Variants in DMD observed in about 807,000 individuals in gnomAD.
DMD encodes mutant dystrophin.
DMD carries 63 observed loss-of-function variants against 330.1 expected under a neutral mutation model. The ratio of observed to expected loss-of-function variants is 0.19; its 90% CI spans 0.16 to 0.24. The LOEUF is 0.24. DMD is among the 10% of genes least tolerant of loss of function. DMD has a pLI of 1.00. For missense variants in DMD, 3,344 were observed against 2,684.1 expected, an observed-to-expected ratio of 1.25 and a Z score of -5.43; for synonymous variants, 1,223 against 959.8, an observed-to-expected ratio of 1.27 and a Z score of -5.07.
chrX:33,314,475 C>G (rs1220898844), intron 1 of DMD, among the ~76,000 whole-genome samples: 2 of 106,955 alleles, frequency 1.9e-5, no homozygotes, highest in African/African-American at 6.9e-5. Flanking sequence ...CCAGGCAGGT[C>G]TCAAACTCCT....
intron 42 of DMD, among the ~76,000 whole-genome samples, chrX:32,306,406 G>A (rs936032507): frequency 9.0e-6 from 1 of 110,698 alleles, no homozygotes. Context: ...TTGTGGTCTC[G>A]AACTTGAACA....
chrX:33,050,071 GT>G (rs201390256), intron 1 of DMD, among the ~76,000 whole-genome samples: 5 of 109,789 alleles, frequency 4.6e-5, no homozygotes, highest in Non-Finnish European at 7.6e-5. Context: ...AATTGGTTTA[GT>G]TTTTTTTTCC....
chrX:32,629,824 T>C (rs2058617196), intron 11 of DMD, among the ~76,000 whole-genome samples: 1 of 110,789 alleles, frequency 9.0e-6, no homozygotes, highest in African/African-American at 3.3e-5. Context: ...TGCTACACTT[T>C]AACTTCATCC....
At chrX:31,416,541 G>T (rs2061881626) in intron 60 of DMD, among the ~76,000 whole-genome samples, 1 of 112,166 alleles carries the variant, frequency 8.9e-6, no homozygotes, top group Non-Finnish European at 1.9e-5. Flanking sequence ...CTAAAGGTAA[G>T]AGAATACTGT....
At chrX:31,912,648 T>A (rs769088055) in intron 47 of DMD, among the ~76,000 whole-genome samples, 4 of 111,917 alleles carry the variant, frequency 3.6e-5, no homozygotes, top group African/African-American at 1.3e-4. Context: ...AAACTGCAAT[T>A]TCTTTTGCAC....
At chrX:31,959,597 A>G (rs1183296749) in intron 45 of DMD, among the ~76,000 whole-genome samples, 1 of 111,167 alleles carries the variant, frequency 9.0e-6, no homozygotes, top group Non-Finnish European at 1.9e-5. Context: ...TGCATAAAAC[A>G]CTTCTACATT....
intron 44 of DMD, among the ~76,000 whole-genome samples, chrX:32,117,288 G>A (rs976592959): frequency 1.3e-4 from 14 of 110,574 alleles, no homozygotes; most frequent in African/African-American, 4.0e-4. Context: ...AATGGGGAAC[G>A]GAGATATCTT....
chrX:31,664,802 C>T (rs1410617450), intron 53 of DMD, among the ~76,000 whole-genome samples: 1 of 108,987 alleles, frequency 9.2e-6, no homozygotes, highest in Non-Finnish European at 1.9e-5. Flanking sequence ...TCTCAAACCA[C>T]CCTTCCACCT....
chrX:31,469,346 GCT>G (rs1417032766), intron 59 of DMD, among the ~76,000 whole-genome samples: 1 of 111,752 alleles, frequency 8.9e-6, no homozygotes, highest in African/African-American at 3.3e-5. Flanking sequence ...TTCATTAGAA[GCT>G]CTTGTAAGGC....
intron 44 of DMD, among the ~76,000 whole-genome samples, chrX:32,160,510 C>T (rs748766636): frequency 9.0e-6 from 1 of 110,554 alleles, no homozygotes; most frequent in Admixed American, 9.7e-5. Flanking sequence ...GCTGAGATTA[C>T]AGGCATGAAC....
At chrX:32,538,950 A>G (rs994435297) in intron 17 of DMD, among the ~76,000 whole-genome samples, 4 of 110,474 alleles carry the variant, frequency 3.6e-5, no homozygotes, top group Admixed American at 9.6e-5. Flanking sequence ...CTGCATTTCA[A>G]AGAAGGTCCC....
chrX:32,022,003 C>T (rs898030395), intron 44 of DMD, among the ~76,000 whole-genome samples: 1 of 112,051 alleles, frequency 8.9e-6, no homozygotes, highest in Non-Finnish European at 1.9e-5. Flanking sequence ...ACAATATAAA[C>T]CAGTTCAATG....
intron 55 of DMD, among the ~76,000 whole-genome samples, chrX:31,618,952 C>A (rs1261565172): frequency 1.8e-5 from 2 of 111,162 alleles, no homozygotes; most frequent in East Asian, 5.6e-4. Flanking sequence ...GATACTCAAC[C>A]AGTACTTGTG....
chrX:32,469,735 A>C (rs2040420681), intron 22 of DMD, among the ~76,000 whole-genome samples: 1 of 111,219 alleles, frequency 9.0e-6, no homozygotes, highest in African/African-American at 3.3e-5. Context: ...CAAAAACAAA[A>C]ATTGTAATGG....
At chrX:32,694,255 C>T (rs991762345) in intron 9 of DMD, among the ~76,000 whole-genome samples, 9 of 111,220 alleles carry the variant, frequency 8.1e-5, no homozygotes, top group African/African-American at 2.9e-4. Context: ...TTATCCTGGC[C>T]GATGGATTTA....
intron 1 of DMD, among the ~76,000 whole-genome samples, chrX:33,102,981 G>T (rs1030549535): frequency 9.0e-6 from 1 of 111,429 alleles, no homozygotes; most frequent in Non-Finnish European, 1.9e-5. Context: ...GTGACAAGGG[G>T]TAGTCTCATT....
chrX:32,831,728 AAGAC>A (rs760896828), intron 4 of DMD, among the ~76,000 whole-genome samples: 6 of 105,195 alleles, frequency 5.7e-5, no homozygotes, highest in South Asian at 8.6e-4. Context: ...GAGAGAGAAA[AAGAC>A]AGGTGACAAA....
intron 47 of DMD, among the ~76,000 whole-genome samples, chrX:31,912,964 C>G (rs1208147501): frequency 8.9e-6 from 1 of 112,638 alleles, no homozygotes; most frequent in Non-Finnish European, 1.9e-5. Context: ...CTTCACAGAA[C>G]TCAACCACCA....
In DMD at chrX:32,629,302, A is replaced by C. The variant is rs757174652; in HGVS notation, c.1331+14830T>G. Among the ~76,000 whole-genome samples, 6 of 111,787 alleles carry C rather than the reference A, an allele frequency of 5.4e-5. No individual in the cohort carries two copies. In the South Asian group the frequency reaches 2.2e-3, roughly 42 times the overall value. ...GTCCCTTTTTATAGTTTTTGTCTTG[A>C]AACCTATTTTGTCTGATAAAAGAAT... is the stretch of plus-strand genomic sequence containing the variant. On this transcript the variant is annotated intron_variant, in intron 11 of 78. Transcript: ENST00000357033.
Sources: gnomAD v4.1 joint callset for allele counts (sites outside exome capture counted in the v4.1 genomes callset) on GRCh38, gnomAD v4.1.1 for gene constraint, MANE v1.5 for transcripts, NCBI Gene and HGNC (gene_info 2026-07-23, HGNC 2026-07-21) for gene names.